Variants in ABL1 observed in about 807,000 individuals in gnomAD.
The protein encoded by ABL1 is tyrosine-protein kinase ABL1.
A neutral mutation model predicts 94.7 loss-of-function variants in ABL1; 11 were observed. That is an observed-to-expected ratio of 0.12 (90% CI 0.07 to 0.19). ABL1 has a LOEUF of 0.19. Ranked by LOEUF, ABL1 falls within the 10% of genes least tolerant of loss-of-function variation. ABL1 has a pLI of 1.00. For synonymous variants in ABL1, 656 were observed against 622.4 expected (o/e 1.05, Z -0.80); for missense variants, 1,082 against 1,489.4 (o/e 0.73, Z 4.50).
At chr9:130,874,539 T>C (rs756466161) in intron 6 of ABL1, among the ~76,000 whole-genome samples, 1 of 152,180 alleles carries the variant, frequency 6.6e-6, no homozygotes, top group Admixed American at 6.5e-5. Context: ...ATTAATTAAT[T>C]ACACTCACAG....
intron 1 of ABL1, among the ~76,000 whole-genome samples, chr9:130,716,487 G>A (rs1368989524): frequency 6.6e-6 from 1 of 151,988 alleles, no homozygotes; most frequent in Admixed American, 6.6e-5. Context: ...AATATTCTGT[G>A]GGTTAAAAAG....
chr9:130,740,191 C>G (rs1219927561), intron 1 of ABL1, among the ~76,000 whole-genome samples: 1 of 152,210 alleles, frequency 6.6e-6, no homozygotes, highest in Non-Finnish European at 1.5e-5. Context: ...GAGATTCACA[C>G]ACACACAATC....
intron 1 of ABL1, among the ~76,000 whole-genome samples, chr9:130,853,068 G>A (rs1250104277): frequency 1.3e-5 from 2 of 152,014 alleles, no homozygotes; most frequent in African/African-American, 2.4e-5. Context: ...TAGAGAGGTG[G>A]GGGTGATCAC....
chr9:130,773,990 T>C (rs2132771234), intron 1 of ABL1, among the ~76,000 whole-genome samples: 1 of 152,338 alleles, frequency 6.6e-6, no homozygotes, highest in Middle Eastern at 3.4e-3. Flanking sequence ...CTGTTTTCTG[T>C]CACCATAAAT....
intron 1 of ABL1, among the ~76,000 whole-genome samples, chr9:130,722,728 T>C (rs1161276744): frequency 6.6e-6 from 1 of 152,214 alleles, no homozygotes; most frequent in Non-Finnish European, 1.5e-5. Context: ...TTCTTATTTT[T>C]CATGAAACCT....
At chr9:130,799,940 T>C (rs551228803) in intron 1 of ABL1, among the ~76,000 whole-genome samples, 1 of 152,092 alleles carries the variant, frequency 6.6e-6, no homozygotes, top group East Asian at 1.9e-4. Flanking sequence ...TGGCGCAATC[T>C]CGGCTCACTG....
At chr9:130,848,366 A>T (rs928435203) in intron 1 of ABL1, among the ~76,000 whole-genome samples, 1 of 149,660 alleles carries the variant, frequency 6.7e-6, no homozygotes, top group Non-Finnish European at 1.5e-5. Flanking sequence ...AAAAAAAAAA[A>T]ACTTAGCCAG....
At chr9:130,714,311 T>G in exon 1 of ABL1, 1 of 1,591,886 alleles carries the variant, frequency 6.3e-7, no homozygotes, top group Non-Finnish European at 8.6e-7. Flanking sequence ...GGGTACCTAT[T>G]ATTACTTTAT....
chr9:130,780,171 C>T (rs1016346162), intron 1 of ABL1, among the ~76,000 whole-genome samples: 1 of 152,150 alleles, frequency 6.6e-6, no homozygotes, highest in Non-Finnish European at 1.5e-5. Context: ...CCCGTAATCC[C>T]AGCTACTCTG....
At chr9:130,856,870 C>G (rs903132389) in intron 3 of ABL1, among the ~76,000 whole-genome samples, 1 of 152,156 alleles carries the variant, frequency 6.6e-6, no homozygotes, top group Admixed American at 6.5e-5. Context: ...TTTCAGTAGT[C>G]CCCTGCTGGT....
intron 1 of ABL1, among the ~76,000 whole-genome samples, chr9:130,847,069 A>G (rs1830784603): frequency 6.6e-6 from 1 of 151,262 alleles, no homozygotes; most frequent in Non-Finnish European, 1.5e-5. Context: ...TAGATGTATT[A>G]CTGTTCTCGG....
At chr9:130,743,749 G>A (rs1831849160) in intron 1 of ABL1, among the ~76,000 whole-genome samples, 1 of 152,122 alleles carries the variant, frequency 6.6e-6, no homozygotes, top group East Asian at 1.9e-4. Flanking sequence ...GGTTTAAAGG[G>A]AGCAGGCACA....
In ABL1 at chr9:130,884,393, C is replaced by T. The variant is rs763048091; in HGVS notation, c.2103C>T (p.Gly701=). 16 of 1,611,848 alleles carry T rather than the reference C, an allele frequency of 9.9e-6. No homozygotes were observed. Among genetic ancestry groups the T allele is most frequent in the Non-Finnish European group, 1.3e-5 (15 of 1,179,856 alleles). The change falls in exon 11 of 11, where the codon GGC becomes GGT. Residue 701 remains glycine, a synonymous_variant. Transcript: ENST00000318560. The surrounding 1 kb of genome is among the most constrained non-coding windows in gnomAD (Gnocchi z 5.6). ...STLTSSRLAT[G]EEEGGGSSSK... ...TGACCAGCAGCCGCCTAGCCACCGG[C>T]GAGGAGGAGGGCGGTGGCAGCTCCA... is the stretch of plus-strand genomic sequence containing the variant.
At chr9:130,780,400 G>C (rs1231790431) in intron 1 of ABL1, among the ~76,000 whole-genome samples, 1 of 152,210 alleles carries the variant, frequency 6.6e-6, no homozygotes, top group East Asian at 1.9e-4. Context: ...AGGTGATGCT[G>C]AGGTTATCTG....
intron 1 of ABL1, among the ~76,000 whole-genome samples, chr9:130,793,534 T>C (rs1186423820): frequency 2.0e-5 from 3 of 152,236 alleles, no homozygotes; most frequent in Non-Finnish European, 4.4e-5. Flanking sequence ...AGTTTCAGAC[T>C]ATTTTTTCTG....
chr9:130,742,400 A>G (rs984794864), intron 1 of ABL1, among the ~76,000 whole-genome samples: 5 of 151,826 alleles, frequency 3.3e-5, no homozygotes, highest in Non-Finnish European at 7.4e-5. Flanking sequence ...AAGCACTTCC[A>G]CCTCTCCTGA....
exon 1 of ABL1, among the ~76,000 whole-genome samples, chr9:130,713,718 G>A (rs1054208710): frequency 2.0e-5 from 3 of 152,176 alleles, no homozygotes; most frequent in Non-Finnish European, 4.4e-5. Context: ...TTAAAAAGCG[G>A]ACTTAAAAGT....
At chr9:130,763,161 A>AC (rs1182404686) in intron 1 of ABL1, among the ~76,000 whole-genome samples, 5 of 150,414 alleles carry the variant, frequency 3.3e-5, no homozygotes, top group African/African-American at 1.2e-4. Flanking sequence ...CTGCCCTGGG[A>AC]CATTTGGATA....
intron 1 of ABL1, among the ~76,000 whole-genome samples, chr9:130,805,635 T>C (rs1170548066): frequency 6.6e-6 from 1 of 152,188 alleles, no homozygotes; most frequent in Non-Finnish European, 1.5e-5. Flanking sequence ...AAGGGCCAGT[T>C]CCCTTCTCTG....
Sources: allele counts gnomAD v4.1 joint callset (sites outside exome capture counted in the v4.1 genomes callset), GRCh38; gene constraint gnomAD v4.1.1; non-coding constraint Gnocchi (gnomAD v3.1); transcripts MANE v1.5; gene names NCBI Gene and HGNC (gene_info 2026-07-23, HGNC 2026-07-21).